The following SMC5 variants were observed in gnomAD, a reference collection of about 807,000 sequenced individuals.
SMC5 encodes structural maintenance of chromosomes protein 5.
A neutral mutation model predicts 148.3 loss-of-function variants in SMC5; 88 were observed. The observed-to-expected ratio is 0.59, with a 90% CI of 0.50 to 0.71. The LOEUF is 0.71. SMC5 is among the 30% of genes least tolerant of loss of function. The probability of loss-of-function intolerance (pLI) is 0.00; values close to 1 mark genes in which losing one functional copy is unlikely to be tolerated. For missense variants in SMC5, 1,142 were observed against 1,298.9 expected (o/e 0.88, Z 1.86); for synonymous variants, 421 against 432.8 (o/e 0.97, Z 0.34).
intron 5 of SMC5, 36 bp downstream of exon 5, chr9:70,278,661 T>G: frequency 6.4e-7 from 1 of 1,567,942 alleles, no homozygotes; most frequent in South Asian, 1.2e-5. Context: ...TATTGTTTCT[T>G]ATTGATTTCT....
intron 3 of SMC5, among the ~76,000 whole-genome samples, chr9:70,277,103 GAGTA>G (rs1380238422): frequency 6.6e-6 from 1 of 152,112 alleles, no homozygotes; most frequent in Non-Finnish European, 1.5e-5. Context: ...TTTGAATGTT[GAGTA>G]AGTAACTGAT....
rs547869693 is a variant in SMC5 at position 70,343,536 on chromosome 9, C to T, written c.2398-608C>T. On this transcript the variant is annotated intron_variant, in intron 17 of 24. Coordinates refer to ENST00000361138, the MANE Select transcript of SMC5 (RefSeq NM_015110.4). The stretch of plus-strand genomic sequence containing the variant: ...TCTGATTATAATATAATTACATGAC[C>T]GGGCCTGGTGGCTCACACCTGTAAT... Among the ~76,000 whole-genome samples, 5 of 152,110 alleles carry T rather than the reference C, an allele frequency of 3.3e-5. No homozygotes were observed. In the East Asian group the frequency reaches 9.7e-4, roughly 29 times the overall value.
intron 17 of SMC5, among the ~76,000 whole-genome samples, chr9:70,336,224 A>T (rs2036353364): frequency 6.6e-6 from 1 of 152,252 alleles, no homozygotes; most frequent in African/African-American, 2.4e-5. Context: ...ATAGGACTGC[A>T]CAGGTGAATG....
intron 18 of SMC5, 118 bp downstream of exon 18, chr9:70,344,387 T>A: frequency 1.9e-6 from 1 of 537,856 alleles, no homozygotes; most frequent in Non-Finnish European, 2.7e-6. Context: ...AATAGGGAGT[T>A]TTTCCACATT....
At chr9:70,295,570 G>T (rs1302943148) in intron 8 of SMC5, among the ~76,000 whole-genome samples, 1 of 152,064 alleles carries the variant, frequency 6.6e-6, no homozygotes, top group Non-Finnish European at 1.5e-5. Flanking sequence ...GATTTAAGAG[G>T]TTTAGACTTA....
At position 70,324,246 on chromosome 9, in the gene SMC5, G is replaced by T. The variant is rs1587694088; in HGVS notation, c.2397+103G>T. On this transcript the variant is annotated intron_variant, in intron 17 of 24. Coordinates refer to ENST00000361138, the MANE Select transcript of SMC5 (RefSeq NM_015110.4). Reference sequence around the variant, plus strand: ...AGCAATATATAGTTTGTTGTTTTATGCTATTTAACTTACAAATTTAATGCA... The same window carrying T: ...AGCAATATATAGTTTGTTGTTTTATTCTATTTAACTTACAAATTTAATGCA... The T allele has an allele frequency of 1.0e-5, 12 of 1,198,218 alleles. No individual in the cohort carries two copies. In the East Asian group the frequency reaches 3.2e-4, roughly 32 times the overall value. The allele number at this position is 1,198,218 out of a possible 1,614,324, so 74.2% of individuals were successfully genotyped here.
chr9:70,318,629 A>G lies in SMC5; in HGVS notation c.1922A>G (p.Gln641Arg), dbSNP rs781486693. Reference protein sequence around the residue: ...ISSNTSLKVAQFLTVTVDLEQ... With the variant: ...ISSNTSLKVARFLTVTVDLEQ... ...AGTAACACATCTCTAAAAGTAGCGC[A>G]GTTTCTCACTGTCACTGTGGACCTA... The change falls in exon 14 of 25, where the codon CAG (glutamine) becomes CGG (arginine). Residue 641 changes from glutamine to arginine, a missense_variant. Coordinates refer to ENST00000361138, the MANE Select transcript of SMC5 (RefSeq NM_015110.4). 1 of 1,612,670 alleles carries G rather than the reference A, an allele frequency of 6.2e-7. No homozygotes were observed. The highest frequency in any genetic ancestry group is 8.5e-7 in the Non-Finnish European group (1 of 1,179,212).
intron 10 of SMC5, among the ~76,000 whole-genome samples, chr9:70,302,504 T>A (rs7853742): frequency 0.77 from 110,895 of 143,270 alleles, 41,434 homozygotes; most frequent in Admixed American, 0.82. Context: ...GAAAAAAAAA[T>A]ATATATATAT....
chr9:70,346,951 G>A (rs2036680456), intron 19 of SMC5, 115 bp from the exon 20 acceptor site: 2 of 783,700 alleles, frequency 2.6e-6, no homozygotes, highest in East Asian at 2.7e-5. Flanking sequence ...GTATTCTTGT[G>A]TGCCAGCATG....
chr9:70,302,622 A>G (rs1181640516), intron 10 of SMC5, among the ~76,000 whole-genome samples: 1 of 152,068 alleles, frequency 6.6e-6, no homozygotes, highest in Non-Finnish European at 1.5e-5. Context: ...GTTACCCAAG[A>G]TCACGCCACT....
At chr9:70,286,931 G>A (rs1180441326) in intron 8 of SMC5, 1 of 152,122 alleles carries the variant, frequency 6.6e-6, no homozygotes, top group East Asian at 1.9e-4. Flanking sequence ...TGCCCAGGTT[G>A]GCCTCGAACG....
At chr9:70,323,668 A>C in intron 16 of SMC5, 62 bp downstream of exon 16, 1 of 1,523,386 alleles carries the variant, frequency 6.6e-7, no homozygotes, top group Non-Finnish European at 8.9e-7. Flanking sequence ...TAAGATAGTA[A>C]AATCTTTAGA....
At chr9:70,320,901 T>TG (rs2118624828) in intron 15 of SMC5, among the ~76,000 whole-genome samples, 1 of 152,348 alleles carries the variant, frequency 6.6e-6, no homozygotes, top group East Asian at 1.9e-4. Context: ...GCACTAGTTT[T>TG]GGTACACTAC....
chr9:70,293,578 A>T (rs1391993499), intron 8 of SMC5, among the ~76,000 whole-genome samples: 1 of 152,064 alleles, frequency 6.6e-6, no homozygotes, highest in Non-Finnish European at 1.5e-5. Context: ...ACTTGGTGTT[A>T]TACATTTTCC....
chr9:70,320,529 A>G (rs973704078), intron 15 of SMC5, among the ~76,000 whole-genome samples: 3 of 152,210 alleles, frequency 2.0e-5, no homozygotes, highest in Non-Finnish European at 2.9e-5. Context: ...AACTATTTAC[A>G]TAGCATTTAT....
chr9:70,344,248 T>G lies in SMC5; in HGVS notation c.2502T>G (p.Thr834=), dbSNP rs754095664. ...TATGTAACCTGGGTGCAGAGCAGAC[T>G]CTTCCTCAAGAATACCAGACAGTAA... ...RQVCNLGAEQ[T]LPQEYQTQVP... is the part of the protein sequence containing the mutation. Residue 834 remains threonine, a synonymous_variant, in exon 18 of 25, where the codon ACT becomes ACG. Transcript: ENST00000361138. 1 of 1,476,576 alleles carries G rather than the reference T, an allele frequency of 6.8e-7. No individual in the cohort carries two copies. Among genetic ancestry groups the G allele is most frequent in the African/African-American group, 1.4e-5 (1 of 70,446 alleles). The allele number at this position is 1,476,576 out of a possible 1,614,324, so 91.5% of individuals were successfully genotyped here.
intron 17 of SMC5, among the ~76,000 whole-genome samples, chr9:70,337,169 A>G (rs1030670785): frequency 6.6e-6 from 1 of 152,226 alleles, no homozygotes; most frequent in East Asian, 1.9e-4. Context: ...CAGCCAAACT[A>G]TATCAACAAT....
Position 70,318,561 on chromosome 9 carries a change from G to A in SMC5, c.1854G>A (p.Lys618=). The A allele has an allele frequency of 1.2e-6, 2 of 1,611,776 alleles. No homozygotes were observed. Among genetic ancestry groups the A allele is most frequent in the Non-Finnish European group, 1.7e-6 (2 of 1,178,922 alleles). The part of the protein sequence containing the change: ...RLKQIYTAEE[K]YVVKTSFYSN... ...AACAGATTTATACAGCAGAAGAAAAGTATGTGGTGAAAACTTCTTTTTATT... is the reference window on the plus strand; with the variant it reads ...AACAGATTTATACAGCAGAAGAAAAATATGTGGTGAAAACTTCTTTTTATT... Residue 618 remains lysine, a synonymous_variant, in exon 14 of 25, where the codon AAG becomes AAA. Coordinates refer to ENST00000361138, the MANE Select transcript of SMC5 (RefSeq NM_015110.4).
Position 70,350,104 on chromosome 9 carries a change from T to A in SMC5, c.2890-10T>A. Reference sequence around the variant, plus strand: ...AACTCATTTTTCATCACTTTTTAAATGTTTTATAGGAAGATTATGATAAAT... The same window carrying A: ...AACTCATTTTTCATCACTTTTTAAAAGTTTTATAGGAAGATTATGATAAAT... On this transcript the variant is annotated splice_polypyrimidine_tract_variant and intron_variant, in intron 22 of 24. Transcript: ENST00000361138. The A allele has an allele frequency of 1.3e-6, 2 of 1,565,788 alleles. No individual in the cohort carries two copies. The highest frequency in any genetic ancestry group is 1.7e-6 in the Non-Finnish European group (2 of 1,151,290).
Sources: allele counts gnomAD v4.1 joint callset (sites outside exome capture counted in the v4.1 genomes callset), GRCh38; gene constraint gnomAD v4.1.1; transcripts MANE v1.5; gene names NCBI Gene and HGNC (gene_info 2026-07-23, HGNC 2026-07-21).